Variants in EEFSEC observed in about 807,000 individuals in gnomAD.
The protein encoded by EEFSEC is eukaryotic elongation factor, selenocysteine-tRNA specific, also known as selenocysteine-specific elongation factor.
A neutral mutation model predicts 42.1 loss-of-function variants in EEFSEC; 43 were observed. The observed-to-expected ratio is 1.02, with a 90% CI of 0.80 to 1.32. The LOEUF is 1.32. Ranked by LOEUF, EEFSEC falls within the 40% of genes most tolerant of loss-of-function variation. The pLI is 0.00. For synonymous variants in EEFSEC, 354 were observed against 339.1 expected (o/e 1.04, Z -0.48); for missense variants, 745 against 803.6 (o/e 0.93, Z 0.88).
At chr3:128,178,741 A>G (rs2065376193) in intron 1 of EEFSEC, among the ~76,000 whole-genome samples, 1 of 152,234 alleles carries the variant, frequency 6.6e-6, no homozygotes, top group African/African-American at 2.4e-5. Flanking sequence ...ACGGTCTATC[A>G]AAACCTTTTC....
intron 1 of EEFSEC, among the ~76,000 whole-genome samples, chr3:128,187,316 A>G (rs1474246765): frequency 1.3e-5 from 2 of 152,116 alleles, no homozygotes; most frequent in African/African-American, 4.8e-5. Context: ...AGAGGCAGGG[A>G]CACTAGGAGT....
intron 1 of EEFSEC, among the ~76,000 whole-genome samples, chr3:128,246,313 A>G (rs2066127098): frequency 6.6e-6 from 1 of 152,206 alleles, no homozygotes; most frequent in Non-Finnish European, 1.5e-5. Context: ...CTAACACCCC[A>G]GAAGGAATAG....
intron 1 of EEFSEC, among the ~76,000 whole-genome samples, chr3:128,174,168 G>A (rs571461544): frequency 1.3e-5 from 2 of 152,306 alleles, no homozygotes; most frequent in East Asian, 1.9e-4. Context: ...GGCCTGGTAC[G>A]AATGCCCTTT....
chr3:128,159,034 C>A (rs1174859663), intron 1 of EEFSEC, among the ~76,000 whole-genome samples: 1 of 152,166 alleles, frequency 6.6e-6, no homozygotes, highest in Non-Finnish European at 1.5e-5. Context: ...AATGCTGAGA[C>A]CAAGGCTGCT....
At chr3:128,342,000 G>C in intron 5 of EEFSEC, 111 bp downstream of exon 5, 1 of 1,395,228 alleles carries the variant, frequency 7.2e-7, no homozygotes, top group Non-Finnish European at 9.5e-7. Context: ...AGACCTTCTG[G>C]TGCCAACCTC....
chr3:128,267,354 G>T (rs1408353840), intron 4 of EEFSEC, among the ~76,000 whole-genome samples: 2 of 152,188 alleles, frequency 1.3e-5, no homozygotes, highest in Admixed American at 1.3e-4. Flanking sequence ...GTGCTTGGCA[G>T]ATACAAATTT....
At chr3:128,260,978 A>AC (rs59331462) in intron 2 of EEFSEC, among the ~76,000 whole-genome samples, 117,713 of 149,436 alleles carry the variant, frequency 0.79, 46,609 homozygotes, top group East Asian at 0.99. Flanking sequence ...AAAAAAAAAA[A>AC]AAAACATTCA....
intron 1 of EEFSEC, among the ~76,000 whole-genome samples, chr3:128,155,165 A>C (rs1407231836): frequency 6.6e-6 from 1 of 151,944 alleles, no homozygotes; most frequent in Non-Finnish European, 1.5e-5. Flanking sequence ...ACCAGGCTGG[A>C]GTGCAGTGGT....
At chr3:128,374,295 T>G (rs2067686000) in intron 6 of EEFSEC, among the ~76,000 whole-genome samples, 1 of 152,210 alleles carries the variant, frequency 6.6e-6, no homozygotes, top group African/African-American at 2.4e-5. Context: ...TGTTTTCCCC[T>G]CGCCTCCAAG....
At chr3:128,385,665 G>A (rs2067830167) in intron 6 of EEFSEC, among the ~76,000 whole-genome samples, 1 of 152,204 alleles carries the variant, frequency 6.6e-6, no homozygotes, top group African/African-American at 2.4e-5. Flanking sequence ...ATTGACTTAT[G>A]AGTTCCATTC....
intron 1 of EEFSEC, among the ~76,000 whole-genome samples, chr3:128,246,222 G>C (rs1275420462): frequency 1.1e-5 from 1 of 92,888 alleles, no homozygotes; most frequent in Non-Finnish European, 2.2e-5. Flanking sequence ...ATGCTCACAA[G>C]CGTGCACGCA....
chr3:128,225,976 G>A (rs1357880674), intron 1 of EEFSEC, among the ~76,000 whole-genome samples: 1 of 152,206 alleles, frequency 6.6e-6, no homozygotes, highest in Non-Finnish European at 1.5e-5. Context: ...TCTAGTTTCA[G>A]TTGAAGAGAC....
intron 6 of EEFSEC, among the ~76,000 whole-genome samples, chr3:128,371,089 A>G (rs1327776607): frequency 6.6e-6 from 1 of 152,206 alleles, no homozygotes; most frequent in African/African-American, 2.4e-5. Flanking sequence ...TTTGATATAT[A>G]TAAAATGATG....
chr3:128,327,839 C>T (rs762295185), intron 4 of EEFSEC, among the ~76,000 whole-genome samples: 8 of 152,094 alleles, frequency 5.3e-5, no homozygotes, highest in African/African-American at 1.7e-4. Context: ...GAGGAGGGGG[C>T]GGCTGCTATG....
chr3:128,236,835 C>T (rs747638840), intron 1 of EEFSEC, among the ~76,000 whole-genome samples: 8 of 152,378 alleles, frequency 5.3e-5, no homozygotes, highest in South Asian at 2.1e-4. Flanking sequence ...GCAGACAGCT[C>T]GGAGCCTACT....
chr3:128,284,132 C>A (rs2066558589), intron 4 of EEFSEC, among the ~76,000 whole-genome samples: 1 of 152,208 alleles, frequency 6.6e-6, no homozygotes, highest in Non-Finnish European at 1.5e-5. Flanking sequence ...CCACCCCCCA[C>A]ACAACCTGAA....
chr3:128,307,145 C>T (rs1364986981), intron 4 of EEFSEC, among the ~76,000 whole-genome samples: 1 of 152,254 alleles, frequency 6.6e-6, no homozygotes, highest in Non-Finnish European at 1.5e-5. Context: ...CCTGGCCACA[C>T]ATGGGGCCTT....
At chr3:128,424,879 G>A in the EEFSEC span, among the ~76,000 whole-genome samples, 6 of 151,946 alleles carry the variant, frequency 3.9e-5, no homozygotes, top group African/African-American at 7.3e-5. Flanking sequence ...ATCTTCTGTG[G>A]GCCAGTTCTA....
intron 6 of EEFSEC, among the ~76,000 whole-genome samples, chr3:128,396,948 C>T (rs748783266): frequency 2.6e-5 from 4 of 152,328 alleles, no homozygotes; most frequent in African/African-American, 4.8e-5. Context: ...ATCTGGGCTG[C>T]TTTCAGTGCC....
Sources: gnomAD v4.1 joint callset for allele counts (sites outside exome capture counted in the v4.1 genomes callset) on GRCh38, gnomAD v4.1.1 for gene constraint, MANE v1.5 for transcripts, NCBI Gene and HGNC (gene_info 2026-07-23, HGNC 2026-07-21) for gene names.